The following CSMD1 variants were observed in gnomAD, a reference collection of about 807,000 sequenced individuals.
The protein encoded by CSMD1 is CUB and Sushi multiple domains 1.
CSMD1 carries 213 observed loss-of-function variants against 417.5 expected under a neutral mutation model. The ratio of observed to expected loss-of-function variants is 0.51; its 90% CI spans 0.46 to 0.57. CSMD1 has a LOEUF of 0.57. Among genes scored for constraint, CSMD1 ranks in the 20% least tolerant of loss-of-function variants. The pLI is 0.00. For synonymous variants in CSMD1, 2,862 were observed against 1,736.8 expected (o/e 1.65, Z -16.11); for missense variants, 6,923 against 4,529.7 (o/e 1.53, Z -15.17).
chr8:3,825,635 G>T (rs1022734119), intron 5 of CSMD1, among the ~76,000 whole-genome samples: 1 of 152,134 alleles, frequency 6.6e-6, no homozygotes, highest in Non-Finnish European at 1.5e-5. Context: ...GGAAATAAAA[G>T]ACAACAGCCA....
intron 1 of CSMD1, among the ~76,000 whole-genome samples, chr8:4,644,465 G>A (rs545850782): frequency 3.9e-4 from 59 of 152,122 alleles, no homozygotes; most frequent in African/African-American, 1.2e-3. Context: ...AGAGTGCAGC[G>A]GCGCTATCTT....
At chr8:3,539,051 C>T (rs1372292224) in intron 10 of CSMD1, among the ~76,000 whole-genome samples, 1 of 152,160 alleles carries the variant, frequency 6.6e-6, no homozygotes. Context: ...CCAGAGATGG[C>T]CTCTCCTCCA....
intron 5 of CSMD1, among the ~76,000 whole-genome samples, chr8:3,805,565 G>C (rs936103626): frequency 6.6e-6 from 1 of 152,150 alleles, no homozygotes; most frequent in Non-Finnish European, 1.5e-5. Context: ...TTGTTTGCAA[G>C]AAACAGGTGA....
intron 4 of CSMD1, among the ~76,000 whole-genome samples, chr8:4,025,100 A>C (rs1796993570): frequency 6.6e-6 from 1 of 152,206 alleles, no homozygotes. Flanking sequence ...AATGGAATAA[A>C]AGGGGACACC....
At chr8:3,656,712 G>T (rs1798128850) in intron 7 of CSMD1, among the ~76,000 whole-genome samples, 2 of 152,156 alleles carry the variant, frequency 1.3e-5, no homozygotes, top group Non-Finnish European at 2.9e-5. Flanking sequence ...CAGATCACAA[G>T]GTCAGCAGTC....
intron 1 of CSMD1, among the ~76,000 whole-genome samples, chr8:4,969,345 T>C (rs376947329): frequency 1.3e-5 from 2 of 152,034 alleles, no homozygotes; most frequent in East Asian, 2.0e-4. Context: ...TTTCCTTATA[T>C]AATGAGGAAA....
At chr8:4,697,579 T>C (rs1000473536) in intron 1 of CSMD1, among the ~76,000 whole-genome samples, 10 of 152,178 alleles carry the variant, frequency 6.6e-5, no homozygotes, top group Non-Finnish European at 1.2e-4. Context: ...AGTATTCAAG[T>C]GACTATTGAC....
rs145314239 is a variant in CSMD1 at position 4,599,976 on chromosome 8, G to A, written c.302+37366C>T. Among the ~76,000 whole-genome samples, 905 of 152,324 alleles carry A rather than the reference G, an allele frequency of 5.9e-3. 7 individuals carry two copies. Among genetic ancestry groups the A allele is most frequent in the African/African-American group, 0.021 (861 of 41,584 alleles). ...ATATGCTCTGTCCATCCACCTCCAT[G>A]GAGGTGTTCACTGTGATAACTAGAA... On this transcript the variant is annotated intron_variant, in intron 2 of 69. Transcript: ENST00000635120.
intron 3 of CSMD1, among the ~76,000 whole-genome samples, chr8:4,342,820 C>A (rs1166057331): frequency 6.8e-6 from 1 of 147,416 alleles, no homozygotes; most frequent in Admixed American, 6.7e-5. Flanking sequence ...GCCACAACAT[C>A]GCAAAGAAAA....
chr8:4,732,929 A>T (rs1163712769), intron 1 of CSMD1, among the ~76,000 whole-genome samples: 2 of 152,124 alleles, frequency 1.3e-5, no homozygotes. Context: ...GGAGATCGGG[A>T]GGCAGCAAGG....
At chr8:3,660,712 G>C (rs998141060) in intron 7 of CSMD1, among the ~76,000 whole-genome samples, 1 of 142,838 alleles carries the variant, frequency 7.0e-6, no homozygotes, top group Non-Finnish European at 1.5e-5. Context: ...GTAGAGACAG[G>C]GTTTCACCAT....
intron 3 of CSMD1, among the ~76,000 whole-genome samples, chr8:4,049,137 T>C (rs746092227): frequency 3.9e-5 from 6 of 152,174 alleles, no homozygotes; most frequent in African/African-American, 7.2e-5. Context: ...AGCTATTCTT[T>C]CTTATTCTTC....
chr8:4,725,830 C>T (rs1023437456), intron 1 of CSMD1, among the ~76,000 whole-genome samples: 3 of 152,082 alleles, frequency 2.0e-5, no homozygotes, highest in Non-Finnish European at 2.9e-5. Flanking sequence ...GTAATGTTCA[C>T]GACGTGGCTA....
chr8:3,141,178 T>C (rs1189064077), intron 41 of CSMD1, among the ~76,000 whole-genome samples: 3 of 152,144 alleles, frequency 2.0e-5, no homozygotes, highest in Non-Finnish European at 4.4e-5. Context: ...GGAGAGAGTG[T>C]GTGCAGGTGG....
At chr8:4,529,679 T>C (rs1476698171) in intron 2 of CSMD1, among the ~76,000 whole-genome samples, 3 of 152,050 alleles carry the variant, frequency 2.0e-5, no homozygotes, top group Non-Finnish European at 2.9e-5. Context: ...AATTAGTTTT[T>C]AGTGTAAGTA....
intron 2 of CSMD1, among the ~76,000 whole-genome samples, chr8:4,454,057 C>T (rs1015715681): frequency 3.3e-5 from 5 of 151,944 alleles, no homozygotes; most frequent in African/African-American, 9.7e-5. Context: ...CTCCTGACCT[C>T]GTGATCCGCC....
chr8:3,177,593 C>T (rs1308561450), intron 37 of CSMD1, among the ~76,000 whole-genome samples: 1 of 152,154 alleles, frequency 6.6e-6, no homozygotes, highest in Non-Finnish European at 1.5e-5. Flanking sequence ...GTAGGGATAA[C>T]TGGGGCAATA....
At chr8:4,650,005 A>G (rs576788591) in intron 1 of CSMD1, among the ~76,000 whole-genome samples, 11 of 152,318 alleles carry the variant, frequency 7.2e-5, no homozygotes, top group Admixed American at 6.5e-4. Context: ...CGAGAACTTG[A>G]TTGATATTAG....
chr8:3,290,894 G>C (rs1198110188), intron 25 of CSMD1, among the ~76,000 whole-genome samples: 3 of 152,148 alleles, frequency 2.0e-5, no homozygotes, highest in South Asian at 2.1e-4. Context: ...GGGCATCCTG[G>C]TCTTGTGCCT....
Sources: gnomAD v4.1 joint callset for allele counts (sites outside exome capture counted in the v4.1 genomes callset) on GRCh38, gnomAD v4.1.1 for gene constraint, MANE v1.5 for transcripts, NCBI Gene and HGNC (gene_info 2026-07-23, HGNC 2026-07-21) for gene names.